Variants in CCDC6 observed in about 807,000 individuals in gnomAD.
CCDC6 encodes the protein coiled-coil domain-containing protein 6.
CCDC6 carries 20 observed loss-of-function variants against 56.6 expected under a neutral mutation model. The observed-to-expected ratio is 0.35, with a 90% CI of 0.25 to 0.51. The LOEUF is 0.51. Among genes scored for constraint, CCDC6 ranks in the 20% least tolerant of loss-of-function variants. The probability of loss-of-function intolerance (pLI) is 0.95; values close to 1 mark genes in which losing one functional copy is unlikely to be tolerated. For missense variants in CCDC6, 367 were observed against 601.1 expected (o/e 0.61, Z 4.07); for synonymous variants, 241 against 234.4 (o/e 1.03, Z -0.26).
At chr10:59,863,251 T>C (rs963813125) in intron 1 of CCDC6, among the ~76,000 whole-genome samples, 1 of 152,236 alleles carries the variant, frequency 6.6e-6, no homozygotes, top group Non-Finnish European at 1.5e-5. Flanking sequence ...TCTTGAGTGG[T>C]AGGAATCCAG....
In CCDC6 at chr10:59,831,999, A is replaced by G. The variant is rs146504121; in HGVS notation, c.582+526T>C. ...GCCCAGAGAAATTAATGAAGTTAATATAAGGTCATACAATCAGTCAGTGGT... is the reference window on the plus strand; with the variant it reads ...GCCCAGAGAAATTAATGAAGTTAATGTAAGGTCATACAATCAGTCAGTGGT... On this transcript the variant is annotated intron_variant, in intron 3 of 8. Transcript: ENST00000263102. Among the ~76,000 whole-genome samples the G allele has an allele frequency of 2.3e-4, 35 of 152,382 alleles. No homozygotes were observed. In the East Asian group the frequency reaches 6.7e-3, roughly 29 times the overall value.
At chr10:59,870,385 C>T (rs1358361544) in intron 1 of CCDC6, among the ~76,000 whole-genome samples, 1 of 152,128 alleles carries the variant, frequency 6.6e-6, no homozygotes, top group Non-Finnish European at 1.5e-5. Context: ...AGTTCCAGAT[C>T]CATCACCACT....
At chr10:59,807,526 T>C (rs962449317) in intron 5 of CCDC6, among the ~76,000 whole-genome samples, 1 of 152,140 alleles carries the variant, frequency 6.6e-6, no homozygotes, top group Non-Finnish European at 1.5e-5. Context: ...TTTCTCATTC[T>C]CCCACACATA....
At chr10:59,897,647 T>C (rs1378871769) in intron 1 of CCDC6, among the ~76,000 whole-genome samples, 1 of 152,180 alleles carries the variant, frequency 6.6e-6, no homozygotes, top group African/African-American at 2.4e-5. Flanking sequence ...ATAATTATTT[T>C]TCTCTCAGAT....
intron 1 of CCDC6, among the ~76,000 whole-genome samples, chr10:59,866,619 T>C (rs1339362272): frequency 6.6e-6 from 1 of 152,236 alleles, no homozygotes; most frequent in African/African-American, 2.4e-5. Context: ...CATTTCGGCC[T>C]CACGTCGTAT....
chr10:59,842,949 T>C (rs1042830566), intron 2 of CCDC6, among the ~76,000 whole-genome samples: 1 of 152,032 alleles, frequency 6.6e-6, no homozygotes, highest in Non-Finnish European at 1.5e-5. Context: ...GAGACGGGGT[T>C]TCACCGTGTT....
intron 1 of CCDC6, among the ~76,000 whole-genome samples, chr10:59,884,613 A>G (rs1490848886): frequency 1.3e-5 from 2 of 151,876 alleles, no homozygotes; most frequent in Non-Finnish European, 2.9e-5. Flanking sequence ...TTCTATACCC[A>G]GTGCTGGGGA....
intron 2 of CCDC6, among the ~76,000 whole-genome samples, chr10:59,847,426 A>G (rs944152066): frequency 6.6e-6 from 1 of 152,156 alleles, no homozygotes; most frequent in Non-Finnish European, 1.5e-5. Context: ...AAGACTGACA[A>G]GACAGTTAGG....
chr10:59,813,804 T>A (rs2070691311), intron 4 of CCDC6, among the ~76,000 whole-genome samples: 1 of 152,244 alleles, frequency 6.6e-6, no homozygotes, highest in Non-Finnish European at 1.5e-5. Context: ...CTTATAGATA[T>A]AGCTCTAATT....
chr10:59,806,264 A>G (rs2070621223), intron 6 of CCDC6, among the ~76,000 whole-genome samples: 1 of 152,226 alleles, frequency 6.6e-6, no homozygotes, highest in Admixed American at 6.5e-5. Flanking sequence ...GAGGAGGAAG[A>G]GGGAAGAGAA....
Position 59,882,499 on chromosome 10 carries a change from G to C in CCDC6, c.303+23623C>G, listed in dbSNP as rs146404334. ...AGGGGGAGAAGGAAAGGAAAGCCGG[G>C]GGGAGAAGGAAAGGAAAGCCAGGGG... On this transcript the variant is annotated intron_variant, in intron 1 of 8. Coordinates refer to ENST00000263102, the MANE Select transcript of CCDC6 (RefSeq NM_005436.5). Among the ~76,000 whole-genome samples the C allele has an allele frequency of 7.8e-3, 63 of 8,070 alleles. 6 individuals carry two copies. Among genetic ancestry groups the C allele is most frequent in the East Asian group, 0.026 (2 of 78 alleles). The allele number at this position is 8,070 out of a possible 152,430, so 5.3% of individuals were successfully genotyped here.
intron 1 of CCDC6, among the ~76,000 whole-genome samples, chr10:59,857,739 T>G (rs1368126985): frequency 6.6e-6 from 1 of 152,154 alleles, no homozygotes; most frequent in Non-Finnish European, 1.5e-5. Context: ...CAAAGAATCA[T>G]GAAACTAAGA....
intron 1 of CCDC6, among the ~76,000 whole-genome samples, chr10:59,854,193 G>A (rs2071061840): frequency 6.6e-6 from 1 of 152,048 alleles, no homozygotes; most frequent in Non-Finnish European, 1.5e-5. Flanking sequence ...AAAAGGCTCC[G>A]ACAATCAATC....
intron 7 of CCDC6, among the ~76,000 whole-genome samples, chr10:59,795,001 A>G (rs144005973): frequency 2.0e-5 from 3 of 152,314 alleles, no homozygotes; most frequent in South Asian, 4.1e-4. Context: ...ACCTTAAACT[A>G]TAAAACTCTT....
intron 1 of CCDC6, among the ~76,000 whole-genome samples, chr10:59,895,494 T>C (rs944893356): frequency 2.6e-5 from 4 of 152,186 alleles, no homozygotes; most frequent in Non-Finnish European, 5.9e-5. Flanking sequence ...TAAACAGTAG[T>C]ACTGATCGTA....
chr10:59,826,044 AAGT>A (rs2070785546), intron 3 of CCDC6, among the ~76,000 whole-genome samples: 1 of 152,076 alleles, frequency 6.6e-6, no homozygotes, highest in Non-Finnish European at 1.5e-5. Flanking sequence ...AAGCCCCTTT[AAGT>A]CATCCAGTGT....
At chr10:59,877,149 T>G (rs1203652942) in intron 1 of CCDC6, among the ~76,000 whole-genome samples, 1 of 152,210 alleles carries the variant, frequency 6.6e-6, no homozygotes, top group East Asian at 1.9e-4. Flanking sequence ...CATTACGCAG[T>G]GCATAATCAT....
At chr10:59,839,611 C>T (rs2070918771) in intron 2 of CCDC6, among the ~76,000 whole-genome samples, 1 of 152,118 alleles carries the variant, frequency 6.6e-6, no homozygotes, top group African/African-American at 2.4e-5. Context: ...GTATTTACTT[C>T]CTTACATTTT....
intron 2 of CCDC6, among the ~76,000 whole-genome samples, chr10:59,848,627 T>G (rs1472372999): frequency 6.6e-6 from 1 of 152,148 alleles, no homozygotes; most frequent in African/African-American, 2.4e-5. Flanking sequence ...GTCTCAAAAA[T>G]AAACAAATAA....
Sources: allele counts gnomAD v4.1 joint callset (sites outside exome capture counted in the v4.1 genomes callset), GRCh38; gene constraint gnomAD v4.1.1; transcripts MANE v1.5; gene names NCBI Gene and HGNC (gene_info 2026-07-23, HGNC 2026-07-21).